The following POU6F2 variants were observed in gnomAD, a reference collection of about 807,000 sequenced individuals.
POU6F2 encodes the protein POU class 6 homeobox 2.
In POU6F2, 31 loss-of-function variants were observed where a neutral mutation model predicts 71.3. That is an observed-to-expected ratio of 0.43 (90% confidence interval 0.33 to 0.59). The LOEUF is 0.59. Ranked by LOEUF, POU6F2 falls within the 20% of genes least tolerant of loss-of-function variation. The pLI is 0.04. For synonymous variants in POU6F2, 347 were observed against 355.7 expected (o/e 0.98, Z 0.27); for missense variants, 783 against 856.8 (o/e 0.91, Z 1.07).
chr7:39,338,927 C>T (rs933413188), intron 4 of POU6F2, among the ~76,000 whole-genome samples: 3 of 152,190 alleles, frequency 2.0e-5, no homozygotes, highest in African/African-American at 7.2e-5. Context: ...GTCCTGTCCT[C>T]AGGTGCTGAT....
chr7:39,412,674 G>A (rs1787573543), intron 6 of POU6F2, among the ~76,000 whole-genome samples: 1 of 143,188 alleles, frequency 7.0e-6, no homozygotes. Context: ...AATGAAACAT[G>A]TTAAATGTAT....
chr7:39,314,912 T>C (rs891943039), intron 4 of POU6F2, among the ~76,000 whole-genome samples: 1 of 152,086 alleles, frequency 6.6e-6, no homozygotes, highest in Non-Finnish European at 1.5e-5. Flanking sequence ...CTCTTAGTCA[T>C]GGCACCGTGA....
intron 3 of POU6F2, among the ~76,000 whole-genome samples, chr7:39,204,703 G>C (rs4294102): frequency 0.81 from 123,920 of 152,118 alleles, 50,737 homozygotes; most frequent in East Asian, 1. Context: ...TTTTGAAATA[G>C]AAGATGTGAT....
chr7:39,047,328 G>T (rs1429146301), intron 1 of POU6F2, among the ~76,000 whole-genome samples: 5 of 151,674 alleles, frequency 3.3e-5, no homozygotes, highest in Non-Finnish European at 5.9e-5. Flanking sequence ...ACACTATTAG[G>T]TTTTCCAATC....
At chr7:39,316,116 A>C (rs1785263270) in intron 4 of POU6F2, among the ~76,000 whole-genome samples, 1 of 152,174 alleles carries the variant, frequency 6.6e-6, no homozygotes, top group Non-Finnish European at 1.5e-5. Flanking sequence ...TAAGAATAGT[A>C]ACAGTAGTAA....
intron 2 of POU6F2, among the ~76,000 whole-genome samples, chr7:39,203,588 C>T (rs1281124128): frequency 6.6e-6 from 1 of 152,098 alleles, no homozygotes; most frequent in East Asian, 1.9e-4. Context: ...CTTTGCTGTC[C>T]AGTAGGATTC....
intron 1 of POU6F2, among the ~76,000 whole-genome samples, chr7:39,076,869 TACACACACAC>T (rs67222549): frequency 6.7e-6 from 1 of 150,264 alleles, no homozygotes; most frequent in Non-Finnish European, 1.5e-5. Context: ...AATGTTGAGA[TACACACACAC>T]ACACACACAC....
At chr7:39,380,386 G>A (rs17701660) in intron 5 of POU6F2, among the ~76,000 whole-genome samples, 24,292 of 152,164 alleles carry the variant, frequency 0.16, 2,020 homozygotes, top group East Asian at 0.24. Flanking sequence ...GGCACATACT[G>A]TGTTACATGG....
intron 4 of POU6F2, among the ~76,000 whole-genome samples, chr7:39,303,537 AT>A (rs564590696): frequency 6.6e-6 from 1 of 152,142 alleles, no homozygotes; most frequent in Non-Finnish European, 1.5e-5. Flanking sequence ...ATTGTCCTCT[AT>A]TTTTCACAAT....
At chr7:39,205,378 A>G (rs1793989132) in intron 3 of POU6F2, among the ~76,000 whole-genome samples, 2 of 152,114 alleles carry the variant, frequency 1.3e-5, no homozygotes, top group South Asian at 4.1e-4. Flanking sequence ...AACACACTCT[A>G]ATGCCTTCAG....
chr7:39,145,767 A>G (rs1451761151), intron 2 of POU6F2, among the ~76,000 whole-genome samples: 1 of 152,158 alleles, frequency 6.6e-6, no homozygotes, highest in Non-Finnish European at 1.5e-5. Flanking sequence ...GGGGTTGTGG[A>G]TGATTCTTAT....
chr7:39,291,462 A>G (rs1784754629), intron 4 of POU6F2, among the ~76,000 whole-genome samples: 1 of 152,214 alleles, frequency 6.6e-6, no homozygotes, highest in African/African-American at 2.4e-5. Flanking sequence ...ATGAGATGCA[A>G]AGATATTGCC....
Position 39,233,038 on chromosome 7 carries a change from A to G in POU6F2, c.598+25418A>G, listed in dbSNP as rs991565909. ...CATTGTAGCATATTATATATTTTAAATGTTTTCTGACAAATTACGTGCAAT... is the reference window on the plus strand; with the variant it reads ...CATTGTAGCATATTATATATTTTAAGTGTTTTCTGACAAATTACGTGCAAT... On this transcript the variant is annotated intron_variant, in intron 4 of 9. Transcript: ENST00000518318. 2.4e-4 allele frequency among the ~76,000 whole-genome samples: 36 copies of G among 152,290 alleles called. No individual in the cohort carries two copies. In the East Asian group the frequency reaches 3.9e-3, roughly 16 times the overall value.
intron 4 of POU6F2, among the ~76,000 whole-genome samples, chr7:39,234,388 C>T (rs1794634121): frequency 6.6e-6 from 1 of 152,104 alleles, no homozygotes; most frequent in Non-Finnish European, 1.5e-5. Flanking sequence ...CATGGTGCCT[C>T]CTGGTATTGT....
At chr7:39,117,374 A>G (rs756752366) in intron 2 of POU6F2, among the ~76,000 whole-genome samples, 8 of 152,192 alleles carry the variant, frequency 5.3e-5, no homozygotes, top group Non-Finnish European at 1.2e-4. Flanking sequence ...AATTAAAACC[A>G]AAAATGTTAG....
chr7:39,015,981 A>ATATT (rs1789513514), intron 1 of POU6F2, among the ~76,000 whole-genome samples: 2 of 8,944 alleles, frequency 2.2e-4, no homozygotes, highest in African/African-American at 6.7e-4. Flanking sequence ...TATTATATAT[A>ATATT]GATATATATA....
At chr7:39,386,780 T>C (rs1786953167) in intron 5 of POU6F2, among the ~76,000 whole-genome samples, 1 of 152,232 alleles carries the variant, frequency 6.6e-6, no homozygotes, top group Non-Finnish European at 1.5e-5. Flanking sequence ...AGCACACTTA[T>C]CCTGTGTATA....
chr7:39,249,765 G>A (rs1438879187), intron 4 of POU6F2, among the ~76,000 whole-genome samples: 9 of 152,238 alleles, frequency 5.9e-5, no homozygotes, highest in Admixed American at 2.6e-4. Flanking sequence ...TAATACACTC[G>A]ATTCCTTGAA....
intron 1 of POU6F2, among the ~76,000 whole-genome samples, chr7:39,023,700 A>C (rs1198695682): frequency 6.6e-6 from 1 of 152,076 alleles, no homozygotes; most frequent in Admixed American, 6.6e-5. Flanking sequence ...ACATTTGTAA[A>C]ATCTAATGTC....
Sources: allele counts gnomAD v4.1 joint callset (sites outside exome capture counted in the v4.1 genomes callset), GRCh38; gene constraint gnomAD v4.1.1; transcripts MANE v1.5; gene names NCBI Gene and HGNC (gene_info 2026-07-23, HGNC 2026-07-21).